Variants in HARS2 observed in about 807,000 individuals in gnomAD.
The protein encoded by HARS2 is histidine--tRNA ligase, mitochondrial.
A neutral mutation model predicts 62.4 loss-of-function variants in HARS2; 40 were observed. That is an observed-to-expected ratio of 0.64 (90% CI 0.50 to 0.83). The LOEUF is 0.83. Ranked by LOEUF, HARS2 falls within the 40% of genes least tolerant of loss-of-function variation. HARS2 has a pLI of 0.00. For missense variants in HARS2, 569 were observed against 626.4 expected, an observed-to-expected ratio of 0.91 and a Z score of 0.98; for synonymous variants, 228 against 227.0, an observed-to-expected ratio of 1.00 and a Z score of -0.04.
chr5:140,693,813 A>G lies in HARS2; in HGVS notation c.184-122A>G, dbSNP rs1357224671. On this transcript the variant is annotated intron_variant, in intron 2 of 12. Coordinates refer to ENST00000230771, the MANE Select transcript of HARS2 (RefSeq NM_012208.4). ...GAGATACTAGGTGCGGCTCAGAGTC[A>G]TTTGAACTCAGTAGATTTCAGCTCC... 4.7e-6 allele frequency: 6 copies of G among 1,290,202 alleles called. No individual in the cohort carries two copies. In the African/African-American group the frequency reaches 8.8e-5, roughly 19 times the overall value. The allele number at this position is 1,290,202 out of a possible 1,614,324, so 79.9% of individuals were successfully genotyped here.
chr5:140,692,862 A>T (rs1581539652), intron 1 of HARS2, among the ~76,000 whole-genome samples: 1 of 151,902 alleles, frequency 6.6e-6, no homozygotes, highest in Admixed American at 6.6e-5. Flanking sequence ...ACTGCACTCC[A>T]GCCTGGGCGA....
intron 4 of HARS2, among the ~76,000 whole-genome samples, chr5:140,694,971 A>G (rs1273426525): frequency 1.3e-5 from 2 of 151,288 alleles, no homozygotes; most frequent in African/African-American, 2.4e-5. Flanking sequence ...TTTTGTGGAG[A>G]TGGGTGTCTT....
At position 140,696,466 on chromosome 5, in the gene HARS2, T is replaced by G. The variant is rs6880619; in HGVS notation, c.733-55T>G. 2,020 of 1,348,164 alleles carry G rather than the reference T, an allele frequency of 1.5e-3. 16 individuals are homozygous for G. The highest frequency in any genetic ancestry group is 9.9e-3 in the African/African-American group (695 of 70,008). The allele number at this position is 1,348,164 out of a possible 1,614,324, so 83.5% of individuals were successfully genotyped here. A position where few individuals can be genotyped will look rare whatever the true frequency, so the allele number is the denominator to read the frequency against. ...TGAATGGAAGTTGAGTTGTCCTTTT[T>G]CAGTTTGAGAAAGAAAGATCTTGGG... On this transcript the variant is annotated intron_variant, in intron 7 of 12. Transcript: ENST00000230771.
At chr5:140,697,793 AGC>A in intron 11 of HARS2, 108 bp downstream of exon 11, 1 of 1,225,580 alleles carries the variant, frequency 8.2e-7, no homozygotes. Flanking sequence ...TTAGTCTGCT[AGC>A]TACTACTGGC....
intron 1 of HARS2, 75 bp downstream of exon 1, chr5:140,691,831 A>G: frequency 9.8e-7 from 1 of 1,022,392 alleles, no homozygotes; most frequent in Non-Finnish European, 1.5e-6. Flanking sequence ...CGCGGCCTGT[A>G]TTCCAGTAGT....
In HARS2 at chr5:140,699,096, C is replaced by T; in HGVS notation, c.*544C>T. ...CCATGTTGATTTGACATCTCTCTAGCCCATCCATTGCTTACAGTAGAAGAG... is the reference window on the plus strand; with the variant it reads ...CCATGTTGATTTGACATCTCTCTAGTCCATCCATTGCTTACAGTAGAAGAG... On this transcript the variant is annotated 3_prime_UTR_variant, in exon 13 of 13. Transcript: ENST00000230771. 5.1e-6 allele frequency: 1 copy of T among 194,532 alleles called. No homozygotes were observed. Among genetic ancestry groups the T allele is most frequent in the South Asian group, 1.0e-4 (1 of 9,920 alleles). 12.1% of individuals were successfully genotyped at this position (194,532 alleles called of 1,614,324 possible).
rs750746837 is a variant in HARS2, at chr5:140,696,978, C to T, written c.862C>T (p.Pro288Ser). Residue 288 changes from proline (P) to serine (S), a missense_variant, in exon 9 of 13, where the codon CCC (proline) becomes TCC (serine). Coordinates refer to ENST00000230771, the MANE Select transcript of HARS2 (RefSeq NM_012208.4). ...VSLVEQMFQD[P>S]RLSQNKQALE... ...CCTAGTAGAGCAAATGTTTCAGGAT[C>T]CCAGACTATCCCAGAACAAGCAGGC... The T allele has an allele frequency of 6.2e-7, 1 of 1,613,696 alleles. No individual in the cohort carries two copies. The highest frequency in any genetic ancestry group is 8.5e-7 in the Non-Finnish European group (1 of 1,179,772).
At chr5:140,695,956 T>C (rs1444799719) in intron 6 of HARS2, 111 bp downstream of exon 6, 2 of 995,028 alleles carry the variant, frequency 2.0e-6, no homozygotes, top group Non-Finnish European at 3.3e-6. Context: ...TGTAGGACTT[T>C]CCTAGTAAAG....
At chr5:140,698,148 C>T (rs1759833344) in intron 12 of HARS2, 70 bp downstream of exon 12, 5 of 1,386,682 alleles carry the variant, frequency 3.6e-6, no homozygotes, top group South Asian at 1.2e-5. Context: ...AAGAAATATG[C>T]ATCTTCTGGC....
chr5:140,694,033 C>T lies in HARS2; in HGVS notation c.282C>T (p.Asp94=), dbSNP rs200954229. ...CFKRHGAKGM[D]TPAFELKETL... The stretch of plus-strand genomic sequence containing the variant: ...AACGTCATGGAGCAAAGGGGATGGA[C>T]ACCCCAGCATTTGAGCTGAAGGTAA... The change falls in exon 3 of 13, where the codon GAC becomes GAT. Residue 94 remains aspartate, a synonymous_variant. Transcript: ENST00000230771. 2 of 1,614,100 alleles carry T rather than the reference C, an allele frequency of 1.2e-6. No individual in the cohort carries two copies. Among genetic ancestry groups the T allele is most frequent in the Non-Finnish European group, 1.7e-6 (2 of 1,179,962 alleles).
intron 4 of HARS2, 27 bp downstream of exon 4, chr5:140,694,307 C>A (rs975734645): frequency 1.4e-6 from 2 of 1,468,482 alleles, no homozygotes; most frequent in South Asian, 1.1e-5. Flanking sequence ...TGGAGCCTGA[C>A]CTGTCTCTTT....
At chr5:140,692,679 G>A (rs1759557954) in intron 1 of HARS2, among the ~76,000 whole-genome samples, 1 of 152,056 alleles carries the variant, frequency 6.6e-6, no homozygotes, top group Non-Finnish European at 1.5e-5. Flanking sequence ...GATCACCTGA[G>A]GTCAGGAGTT....
intron 6 of HARS2, 83 bp downstream of exon 6, chr5:140,695,928 A>C (rs1233345069): frequency 9.1e-7 from 1 of 1,101,750 alleles, no homozygotes; most frequent in Non-Finnish European, 1.4e-6. Flanking sequence ...GGGTGACTCC[A>C]ACCCTTAAGC....
chr5:140,691,539 C>G lies in HARS2; in HGVS notation c.-110C>G. 1 of 815,624 alleles carries G rather than the reference C, an allele frequency of 1.2e-6. No individual in the cohort carries two copies. The highest frequency in any genetic ancestry group is 2.1e-6 in the Non-Finnish European group (1 of 487,674). The allele number at this position is 815,624 out of a possible 1,614,324, so 50.5% of individuals were successfully genotyped here. ...AGGTGCGCAAACGCCCGAGTTTTCC[C>G]TGGTGCGCGGGTTCCGCCTTTGCAG... is the stretch of plus-strand genomic sequence containing the variant. On this transcript the variant is annotated 5_prime_UTR_variant, in exon 1 of 13. Coordinates refer to ENST00000230771, the MANE Select transcript of HARS2 (RefSeq NM_012208.4).
intron 1 of HARS2, among the ~76,000 whole-genome samples, chr5:140,692,524 G>A (rs1229827756): frequency 6.6e-6 from 1 of 152,158 alleles, no homozygotes. Flanking sequence ...CTGTGTCCTT[G>A]AGCTGGTTCC....
In HARS2 at chr5:140,697,238, G is replaced by T; in HGVS notation, c.1029G>T (p.Gln343His). 1 of 1,614,186 alleles carries T rather than the reference G, an allele frequency of 6.2e-7. No homozygotes were observed. The highest frequency in any genetic ancestry group is 1.1e-5 in the South Asian group (1 of 91,080). The change falls in exon 10 of 13, where the codon CAG (glutamine) becomes CAT (histidine). Residue 343 changes from glutamine (Q) to histidine (H), a missense_variant. Physicochemically the swap from Gln to His is conservative, Grantham distance 24. Transcript: ENST00000230771. Reference sequence around the variant, plus strand: ...TGATCTATGAAGCAGTGCTGCTGCAGACCCCAACTCAGGCTGGGGAGGAGC... The same window carrying T: ...TGATCTATGAAGCAGTGCTGCTGCATACCCCAACTCAGGCTGGGGAGGAGC... ...TGVIYEAVLLQTPTQAGEEPL... is the reference protein window; with the variant it reads ...TGVIYEAVLLHTPTQAGEEPL...
In HARS2 at chr5:140,698,626, T is replaced by A; in HGVS notation, c.*74T>A. 8.6e-7 allele frequency: 1 copy of A among 1,164,946 alleles called. No individual in the cohort carries two copies. Among genetic ancestry groups the A allele is most frequent in the Non-Finnish European group, 1.3e-6 (1 of 769,222 alleles). 72.2% of individuals were successfully genotyped at this position (1,164,946 alleles called of 1,614,324 possible). On this transcript the variant is annotated 3_prime_UTR_variant, in exon 13 of 13. Transcript: ENST00000230771. ...AGAACTGAATTCCTCTGGAATTGAG[T>A]GATGGACTTCACAACAACTAGCCAG...
In HARS2 at chr5:140,696,575, G is replaced by T. The variant is rs1474798409; in HGVS notation, c.787G>T (p.Glu263Ter). 8.7e-6 allele frequency: 14 copies of T among 1,613,784 alleles called. No individual in the cohort carries two copies. The South Asian group carries it at 1.4e-4, about 16-fold the overall frequency. Reference sequence around the variant, plus strand: ...GGTGGTGAAGAAAGGCCTGGCTCCTGAGGTGGCTGATCGAATTGGGGACTA... The same window carrying T: ...GGTGGTGAAGAAAGGCCTGGCTCCTTAGGTGGCTGATCGAATTGGGGACTA... Reference protein sequence around the residue: ...EMVVKKGLAPEVADRIGDYVQ... With the variant: ...EMVVKKGLAP The change falls in exon 8 of 13, where the codon GAG (glutamate) becomes TAG (stop). Residue 263 changes from glutamate (E) to a stop codon, truncating the protein, a stop_gained. Coordinates refer to ENST00000230771, the MANE Select transcript of HARS2 (RefSeq NM_012208.4). LOFTEE classifies it high-confidence loss of function.
rs998405516 is a variant in HARS2, at chr5:140,696,532, A to G, written c.744A>G (p.Lys248=). 1.2e-6 allele frequency: 2 copies of G among 1,613,110 alleles called. No homozygotes were observed. The highest frequency in any genetic ancestry group is 2.7e-5 in the African/African-American group (2 of 74,912). ...SIDKLDKMAW[K]DVRHEMVVKK... ...GGGTGTTTATGCAGATGGCTTGGAAAGATGTGAGACATGAGATGGTGGTGA... is the reference window on the plus strand; with the variant it reads ...GGGTGTTTATGCAGATGGCTTGGAAGGATGTGAGACATGAGATGGTGGTGA... The change falls in exon 8 of 13, where the codon AAA becomes AAG. Residue 248 remains lysine, a synonymous_variant. Transcript: ENST00000230771.
Sources: allele counts gnomAD v4.1 joint callset (sites outside exome capture counted in the v4.1 genomes callset), GRCh38; gene constraint gnomAD v4.1.1; transcripts MANE v1.5; gene names NCBI Gene and HGNC (gene_info 2026-07-23, HGNC 2026-07-21).